PACRG: variants seen among roughly 807,000 people sequenced by gnomAD.
PACRG encodes parkin coregulated gene protein.
A neutral mutation model predicts 29.7 loss-of-function variants in PACRG; 29 were observed. The observed-to-expected ratio is 0.98, with a 90% CI of 0.73 to 1.33. The LOEUF is 1.33. Ranked by LOEUF, PACRG falls within the 40% of genes most tolerant of loss-of-function variation. The probability of loss-of-function intolerance (pLI) is 0.00; values close to 1 mark genes in which losing one functional copy is unlikely to be tolerated. For missense variants in PACRG, 279 were observed against 316.2 expected (o/e 0.88, Z 0.89); for synonymous variants, 116 against 118.7 (o/e 0.98, Z 0.15).
intron 2 of PACRG, among the ~76,000 whole-genome samples, chr6:162,900,866 C>T (rs1018106140): frequency 3.3e-5 from 5 of 152,136 alleles, no homozygotes; most frequent in African/African-American, 1.2e-4. Context: ...GTTCTATTAC[C>T]TTGTTTATTT....
intron 4 of PACRG, among the ~76,000 whole-genome samples, chr6:163,287,990 G>A (rs928137184): frequency 1.3e-5 from 2 of 152,172 alleles, no homozygotes; most frequent in African/African-American, 4.8e-5. Flanking sequence ...GAGAGACTAG[G>A]CCTCCGGGTT....
intron 2 of PACRG, among the ~76,000 whole-genome samples, chr6:162,902,132 G>T (rs1795605023): frequency 6.6e-6 from 1 of 152,174 alleles, no homozygotes; most frequent in Non-Finnish European, 1.5e-5. Flanking sequence ...AAATATTTCA[G>T]CCTTTGCAAA....
At chr6:163,075,133 AAC>A (rs1812428564) in intron 3 of PACRG, among the ~76,000 whole-genome samples, 3 of 152,228 alleles carry the variant, frequency 2.0e-5, no homozygotes. Flanking sequence ...TTATCCCTAA[AAC>A]TTTGAATTGT....
chr6:162,905,500 C>T (rs544279459), intron 2 of PACRG, among the ~76,000 whole-genome samples: 1 of 152,222 alleles, frequency 6.6e-6, no homozygotes, highest in East Asian at 1.9e-4. Flanking sequence ...CGTCTAATTC[C>T]ACCCTTTAAT....
chr6:163,228,656 G>C (rs1781904694), intron 4 of PACRG, among the ~76,000 whole-genome samples: 2 of 152,058 alleles, frequency 1.3e-5, no homozygotes, highest in Non-Finnish European at 2.9e-5. Context: ...AAGGAACGAT[G>C]GTGAACGATC....
chr6:162,962,120 T>G (rs939167219), intron 2 of PACRG, among the ~76,000 whole-genome samples: 11 of 152,176 alleles, frequency 7.2e-5, no homozygotes, highest in Non-Finnish European at 1.6e-4. Context: ...AACCCTTTTC[T>G]GGCCCTACCT....
At chr6:162,952,841 A>G (rs530701838) in intron 2 of PACRG, among the ~76,000 whole-genome samples, 11 of 152,114 alleles carry the variant, frequency 7.2e-5, no homozygotes, top group African/African-American at 2.7e-4. Flanking sequence ...CAAATGATTT[A>G]TTTTCTTCTC....
intron 1 of PACRG, among the ~76,000 whole-genome samples, chr6:162,785,344 T>G (rs1784386320): frequency 1.3e-5 from 2 of 152,198 alleles, no homozygotes; most frequent in Admixed American, 1.3e-4. Context: ...GGTTATCATA[T>G]TGCCAAAGAA....
chr6:162,961,200 C>A (rs1800587986), intron 2 of PACRG, among the ~76,000 whole-genome samples: 1 of 152,306 alleles, frequency 6.6e-6, no homozygotes, highest in East Asian at 1.9e-4. Flanking sequence ...ACCTTACTGA[C>A]ATATTGTGTC....
At chr6:162,743,977 G>A (rs926199889) in intron 1 of PACRG, among the ~76,000 whole-genome samples, 6 of 152,006 alleles carry the variant, frequency 3.9e-5, no homozygotes, top group Admixed American at 2.0e-4. Context: ...TATTGTTCTT[G>A]TTATTTAAAA....
At chr6:163,000,906 G>A (rs1804531898) in intron 2 of PACRG, among the ~76,000 whole-genome samples, 1 of 152,182 alleles carries the variant, frequency 6.6e-6, no homozygotes, top group Admixed American at 6.5e-5. Context: ...GAATAGTAGG[G>A]GCTCCTGAAA....
chr6:162,756,438 T>A (rs1781929640), intron 1 of PACRG, among the ~76,000 whole-genome samples: 1 of 152,198 alleles, frequency 6.6e-6, no homozygotes. Flanking sequence ...TAACGTCTAC[T>A]TTGTGTGTTA....
Position 163,314,877 on chromosome 6 carries a change from G to A in PACRG, c.664G>A (p.Gly222Arg). The A allele has an allele frequency of 6.2e-7, 1 of 1,614,092 alleles. No homozygotes were observed. The highest frequency in any genetic ancestry group is 8.5e-7 in the Non-Finnish European group (1 of 1,179,966). ...CAGCCAGCAGAAGAGGGAGAACATT[G>A]GGGACTTGATCCAGGAGACACTGGA... is the stretch of plus-strand genomic sequence containing the variant. ...DYSQQKRENI[G>R]DLIQETLEAF... is the part of the protein sequence containing the mutation. The change falls in exon 5 of 5, where the codon GGG (glycine) becomes AGG (arginine). Residue 222 changes from glycine to arginine, a missense_variant. Gly to Arg is a moderately radical substitution (Grantham distance 125). Coordinates refer to ENST00000366888, the MANE Select transcript of PACRG (RefSeq NM_001080379.2).
At chr6:163,040,816 G>GT (rs1176811224) in intron 2 of PACRG, among the ~76,000 whole-genome samples, 2 of 152,152 alleles carry the variant, frequency 1.3e-5, no homozygotes, top group African/African-American at 4.8e-5. Flanking sequence ...TAACTAAGTT[G>GT]TTTTTTATCT....
At chr6:162,776,816 A>G (rs1227969674) in intron 1 of PACRG, among the ~76,000 whole-genome samples, 1 of 152,214 alleles carries the variant, frequency 6.6e-6, no homozygotes, top group East Asian at 1.9e-4. Flanking sequence ...TGACCCGCTA[A>G]GTACTCAGGT....
intron 4 of PACRG, among the ~76,000 whole-genome samples, chr6:163,226,541 G>A (rs539617286): frequency 6.2e-4 from 94 of 152,322 alleles, no homozygotes; most frequent in Non-Finnish European, 1.0e-3. Context: ...GAAACGGCTG[G>A]GCAGGAGAGG....
At chr6:163,048,988 G>A (rs545846) in intron 2 of PACRG, among the ~76,000 whole-genome samples, 63,302 of 151,418 alleles carry the variant, frequency 0.42, 14,381 homozygotes, top group East Asian at 0.7. Flanking sequence ...AAGGTTCTAT[G>A]TAGGTCCATT....
intron 4 of PACRG, among the ~76,000 whole-genome samples, chr6:163,281,759 T>A (rs1157671449): frequency 6.6e-6 from 1 of 152,098 alleles, no homozygotes; most frequent in African/African-American, 2.4e-5. Flanking sequence ...TGTATATGAG[T>A]CAGGCTACAT....
intron 4 of PACRG, among the ~76,000 whole-genome samples, chr6:163,212,331 G>A (rs1161230915): frequency 1.3e-5 from 2 of 152,108 alleles, no homozygotes; most frequent in East Asian, 1.9e-4. Context: ...GGGAGCAGTG[G>A]CACCCCAAAA....
Sources: gnomAD v4.1 joint callset for allele counts (sites outside exome capture counted in the v4.1 genomes callset) on GRCh38, gnomAD v4.1.1 for gene constraint, MANE v1.5 for transcripts, NCBI Gene and HGNC (gene_info 2026-07-23, HGNC 2026-07-21) for gene names.